Variants in CCDC3 observed in about 807,000 individuals in gnomAD.
CCDC3 encodes the protein coiled-coil domain containing 3.
In CCDC3, 24 loss-of-function variants were observed where a neutral mutation model predicts 21.4. That is an observed-to-expected ratio of 1.12 (90% confidence interval 0.81 to 1.58). The LOEUF (loss-of-function observed/expected upper bound fraction) is 1.58. Ranked by LOEUF, CCDC3 falls within the 40% of genes most tolerant of loss-of-function variation. The pLI, the probability that CCDC3 is intolerant of heterozygous loss-of-function variation, is 0.00. For missense variants in CCDC3, 425 were observed against 360.9 expected (o/e 1.18, Z -1.44); for synonymous variants, 186 against 166.0 (o/e 1.12, Z -0.93).
intron 2 of CCDC3, among the ~76,000 whole-genome samples, chr10:12,910,608 A>AG (rs1834255801): frequency 7.6e-6 from 1 of 131,936 alleles, no homozygotes; most frequent in African/African-American, 3.0e-5. Flanking sequence ...AAAAAAAAAA[A>AG]AAATTTTTTT....
At chr10:13,063,682 C>T (rs916949459) in intron 4 of CCDC3, among the ~76,000 whole-genome samples, 2 of 152,200 alleles carry the variant, frequency 1.3e-5, no homozygotes, top group Non-Finnish European at 2.9e-5. Flanking sequence ...CACCTCTCTA[C>T]AAACTCATGG....
intron 4 of CCDC3, among the ~76,000 whole-genome samples, chr10:13,071,684 A>G (rs10906291): frequency 0.33 from 49,373 of 151,822 alleles, 8,300 homozygotes; most frequent in African/African-American, 0.4. Context: ...GGAAAGAAAG[A>G]GGAACGCCTC....
chr10:12,977,906 A>AAGG (rs1313903473), intron 2 of CCDC3, among the ~76,000 whole-genome samples: 1 of 152,194 alleles, frequency 6.6e-6, no homozygotes, highest in Non-Finnish European at 1.5e-5. Context: ...GAACAGGACA[A>AAGG]AGGACCAGAA....
intron 2 of CCDC3, among the ~76,000 whole-genome samples, chr10:12,978,161 G>A (rs1835444097): frequency 6.6e-6 from 1 of 152,126 alleles, no homozygotes; most frequent in South Asian, 2.1e-4. Context: ...TGGGACTATA[G>A]GCATGTGCCA....
intron 2 of CCDC3, among the ~76,000 whole-genome samples, chr10:12,969,331 A>G (rs1234708916): frequency 1.3e-5 from 2 of 152,158 alleles, no homozygotes; most frequent in African/African-American, 4.8e-5. Flanking sequence ...TGGAGAAAAG[A>G]GAACCTTTGT....
chr10:13,056,206 C>T (rs895495491), intron 4 of CCDC3, among the ~76,000 whole-genome samples: 14 of 152,124 alleles, frequency 9.2e-5, no homozygotes, highest in Non-Finnish European at 1.2e-4. Flanking sequence ...CCAAGGTGGT[C>T]GCAATTCCAC....
At chr10:13,050,126 G>C (rs367974303) in intron 4 of CCDC3, among the ~76,000 whole-genome samples, 1 of 152,150 alleles carries the variant, frequency 6.6e-6, no homozygotes, top group Non-Finnish European at 1.5e-5. Flanking sequence ...GTGAGCCCAG[G>C]TATTAACCTG....
At chr10:13,047,026 C>T (rs1156257269) in intron 5 of CCDC3, among the ~76,000 whole-genome samples, 3 of 151,748 alleles carry the variant, frequency 2.0e-5, no homozygotes, top group Non-Finnish European at 4.4e-5. Context: ...GGCAATGCAC[C>T]CTAGTAAGAT....
intron 5 of CCDC3, among the ~76,000 whole-genome samples, chr10:13,046,892 A>T (rs981078264): frequency 2.0e-5 from 3 of 152,186 alleles, no homozygotes; most frequent in Admixed American, 1.3e-4. Context: ...AAGAATTAGA[A>T]ATCATCTGAT....
At chr10:12,903,921 G>C (rs1834130162) in intron 2 of CCDC3, among the ~76,000 whole-genome samples, 1 of 152,248 alleles carries the variant, frequency 6.6e-6, no homozygotes, top group South Asian at 2.1e-4. Flanking sequence ...CTATGGTACA[G>C]AGATAATCAC....
At chr10:13,098,915 C>T (rs1832672321) in intron 2 of CCDC3, among the ~76,000 whole-genome samples, 1 of 151,700 alleles carries the variant, frequency 6.6e-6, no homozygotes. Flanking sequence ...CAGGCTTTCA[C>T]CATATTGGCC....
chr10:13,005,494 T>G, upstream of CCDC3, among the ~76,000 whole-genome samples: 1 of 152,148 alleles, frequency 6.6e-6, no homozygotes, highest in East Asian at 1.9e-4. Flanking sequence ...GATGAGAAGT[T>G]CAGATTACAT....
intron 5 of CCDC3, among the ~76,000 whole-genome samples, chr10:13,015,601 A>G (rs1836046973): frequency 6.6e-6 from 1 of 152,112 alleles, no homozygotes; most frequent in African/African-American, 2.4e-5. Context: ...CATAGCTGGC[A>G]AAGAATAAAG....
At chr10:13,050,650 G>A (rs1297461184) in intron 4 of CCDC3, among the ~76,000 whole-genome samples, 4 of 151,674 alleles carry the variant, frequency 2.6e-5, no homozygotes, top group Non-Finnish European at 5.9e-5. Context: ...TAGTAGAGAC[G>A]GGGTTTCACC....
chr10:13,069,237 A>G (rs1034012545), intron 4 of CCDC3, among the ~76,000 whole-genome samples: 1 of 152,254 alleles, frequency 6.6e-6, no homozygotes, highest in Admixed American at 6.5e-5. Context: ...CCTGGGCAAC[A>G]AAGACTGAAA....
At chr10:12,964,456 T>C (rs1322503007) in intron 2 of CCDC3, among the ~76,000 whole-genome samples, 3 of 152,184 alleles carry the variant, frequency 2.0e-5, no homozygotes, top group African/African-American at 7.2e-5. Flanking sequence ...TTTCAGATCT[T>C]GTTGGGTCTG....
intron 2 of CCDC3, among the ~76,000 whole-genome samples, chr10:12,952,964 C>G (rs1231227727): frequency 6.6e-6 from 1 of 152,100 alleles, no homozygotes; most frequent in Non-Finnish European, 1.5e-5. Context: ...TACAGTTGAT[C>G]TTATTCAAAG....
chr10:12,989,732 T>A (rs1835652469), intron 2 of CCDC3, among the ~76,000 whole-genome samples: 1 of 152,050 alleles, frequency 6.6e-6, no homozygotes, highest in South Asian at 2.1e-4. Context: ...CCAGCACCCT[T>A]TTAGGCAGTC....
chr10:13,035,678 G>T (rs1349313466), intron 5 of CCDC3, among the ~76,000 whole-genome samples: 2 of 152,146 alleles, frequency 1.3e-5, no homozygotes, highest in African/African-American at 4.8e-5. Context: ...GAACATCCAG[G>T]TTTTATGATC....
Sources: allele counts gnomAD v4.1 joint callset (sites outside exome capture counted in the v4.1 genomes callset), GRCh38; gene constraint gnomAD v4.1.1; transcripts MANE v1.5; gene names NCBI Gene and HGNC (gene_info 2026-07-23, HGNC 2026-07-21).